The following PRDM16 variants were observed in gnomAD, a reference collection of about 807,000 sequenced individuals.
The protein encoded by PRDM16 is histone-lysine N-methyltransferase PRDM16.
A neutral mutation model predicts 110.6 loss-of-function variants in PRDM16; 23 were observed. That is an observed-to-expected ratio of 0.21 (90% CI 0.15 to 0.29). PRDM16 has a LOEUF of 0.29. Ranked by LOEUF, PRDM16 falls within the 10% of genes least tolerant of loss-of-function variation. The pLI, the probability that PRDM16 is intolerant of heterozygous loss-of-function variation, is 1.00. For missense variants in PRDM16, 1,615 were observed against 1,794.3 expected (o/e 0.90, Z 1.81); for synonymous variants, 799 against 781.8 (o/e 1.02, Z -0.37).
intron 1 of PRDM16, among the ~76,000 whole-genome samples, chr1:3,115,955 G>A (rs1642947667): frequency 2.0e-5 from 3 of 152,120 alleles, no homozygotes; most frequent in African/African-American, 4.8e-5. Context: ...TATCTAGGCT[G>A]TCCATGCCCC....
intron 2 of PRDM16, among the ~76,000 whole-genome samples, chr1:3,233,115 C>T (rs1051599747): frequency 6.6e-6 from 1 of 152,194 alleles, no homozygotes. Context: ...AAGCGAAGCT[C>T]CCTGGGGAGA....
intron 3 of PRDM16, among the ~76,000 whole-genome samples, chr1:3,259,360 C>G (rs879679375): frequency 6.6e-6 from 1 of 152,198 alleles, no homozygotes; most frequent in African/African-American, 2.4e-5. Context: ...CAGCACCCTC[C>G]GTGTGCAAAG....
intron 1 of PRDM16, among the ~76,000 whole-genome samples, chr1:3,182,281 C>T (rs919355392): frequency 2.6e-5 from 4 of 152,244 alleles, no homozygotes; most frequent in East Asian, 1.9e-4. Context: ...GCTCGGCGCT[C>T]GGGCTGCGGG....
chr1:3,088,924 A>C (rs1456217435), intron 1 of PRDM16, among the ~76,000 whole-genome samples: 1 of 152,094 alleles, frequency 6.6e-6, no homozygotes, highest in East Asian at 1.9e-4. Flanking sequence ...CTGGGGTTAC[A>C]GGCACATGCC....
chr1:3,118,487 C>T (rs781447660), intron 1 of PRDM16, among the ~76,000 whole-genome samples: 19 of 152,156 alleles, frequency 1.2e-4, no homozygotes, highest in Admixed American at 3.9e-4. Flanking sequence ...GGTTGGATTC[C>T]GGGTAGTGTG....
chr1:3,392,132 G>C (rs1643310382), intron 4 of PRDM16, among the ~76,000 whole-genome samples: 2 of 152,264 alleles, frequency 1.3e-5, no homozygotes, highest in South Asian at 4.1e-4. Context: ...GGCCAGGTGA[G>C]AGGCAGACCG....
intron 3 of PRDM16, among the ~76,000 whole-genome samples, chr1:3,280,224 C>T (rs1208508334): frequency 6.6e-6 from 1 of 152,174 alleles, no homozygotes; most frequent in African/African-American, 2.4e-5. Flanking sequence ...TTGAAGCCGA[C>T]TCTGTGTGTT....
chr1:3,167,297 G>A (rs2742667), intron 1 of PRDM16, among the ~76,000 whole-genome samples: 19,039 of 152,174 alleles, frequency 0.13, 1,302 homozygotes, highest in South Asian at 0.17. Context: ...AAACGACCCC[G>A]TTAAAAGCCA....
chr1:3,093,071 A>T (rs1213719019), intron 1 of PRDM16, among the ~76,000 whole-genome samples: 2 of 152,148 alleles, frequency 1.3e-5, no homozygotes, highest in African/African-American at 4.8e-5. Context: ...CGCCCTCAAT[A>T]GTAACTTCCC....
At chr1:3,268,426 C>T (rs1245637597) in intron 3 of PRDM16, among the ~76,000 whole-genome samples, 2 of 152,228 alleles carry the variant, frequency 1.3e-5, no homozygotes, top group African/African-American at 4.8e-5. Context: ...CTTCGCAAAG[C>T]CGGTAGACCA....
At position 3,412,063 on chromosome 1, in the gene PRDM16, C is replaced by T. The variant is rs1355748081; in HGVS notation, c.1866C>T (p.Gly622=). Residue 622 remains glycine (G), a synonymous_variant, in exon 9 of 17, where the codon GGC becomes GGT. Coordinates refer to ENST00000270722, the MANE Select transcript of PRDM16 (RefSeq NM_022114.4). The part of the protein sequence containing the change: ...GTDLDTTTGT[G]SDLDSDVDSD... Reference sequence around the variant, plus strand: ...ACCTGGACACGACCACGGGGACGGGCTCGGACCTGGACAGCGACGTGGACA... The same window carrying T: ...ACCTGGACACGACCACGGGGACGGGTTCGGACCTGGACAGCGACGTGGACA... 3.1e-6 allele frequency: 5 copies of T among 1,608,056 alleles called. No individual in the cohort carries two copies. Among genetic ancestry groups the T allele is most frequent in the South Asian group, 1.1e-5 (1 of 90,586 alleles).
chr1:3,353,912 ACACACATGTGGAT>A lies in PRDM16; in HGVS notation c.439-31239_439-31227del. Among the ~76,000 whole-genome samples the A allele has an allele frequency of 6.6e-6, 1 of 152,074 alleles. No homozygotes were observed. Among genetic ancestry groups the A allele is most frequent in the Non-Finnish European group, 1.5e-5 (1 of 67,994 alleles). On this transcript the variant is annotated intron_variant, in intron 3 of 16. Transcript: ENST00000270722. This position sits in a 1 kb window ranked among gnomAD's most constrained non-coding sequence, Gnocchi z 5.4. ...TCTAGAAGCCAAGGGGGCCCTTGGC[ACACACATGTGGAT>A]GCAGGGCTGCCCACCCAACACTGCT...
intron 5 of PRDM16, among the ~76,000 whole-genome samples, chr1:3,401,433 AAC>A (rs1450045822): frequency 2.0e-5 from 3 of 152,110 alleles, no homozygotes; most frequent in Non-Finnish European, 2.9e-5. Context: ...TACACACCCA[AAC>A]ACACATTCCC....
chr1:3,404,944 G>T lies in PRDM16; in HGVS notation c.1032+58G>T, dbSNP rs751733983. 7 of 1,566,272 alleles carry T rather than the reference G, an allele frequency of 4.5e-6. No homozygotes were observed. In the African/African-American group the frequency reaches 8.3e-5, roughly 18 times the overall value. Reference sequence around the variant, plus strand: ...GGGCAGCAGGAGGCTGCAGACGGGCGCCCGCCCCCGTGCTCCCTACACCCC... The same window carrying T: ...GGGCAGCAGGAGGCTGCAGACGGGCTCCCGCCCCCGTGCTCCCTACACCCC... On this transcript the variant is annotated intron_variant, in intron 7 of 16. Transcript: ENST00000270722.
At chr1:3,363,131 C>T (rs1030879251) in intron 3 of PRDM16, among the ~76,000 whole-genome samples, 4 of 152,158 alleles carry the variant, frequency 2.6e-5, no homozygotes, top group Non-Finnish European at 4.4e-5. Flanking sequence ...CTGGGGAGAC[C>T]AGAGGCAGAT....
At chr1:3,343,608 C>T (rs1642310950) in intron 3 of PRDM16, among the ~76,000 whole-genome samples, 1 of 151,810 alleles carries the variant, frequency 6.6e-6, no homozygotes, top group African/African-American at 2.4e-5. Flanking sequence ...AGGCTCTTTT[C>T]CTTTGGTTTC....
intron 2 of PRDM16, among the ~76,000 whole-genome samples, chr1:3,226,230 T>C (rs1377733522): frequency 6.6e-6 from 1 of 152,266 alleles, no homozygotes; most frequent in Non-Finnish European, 1.5e-5. Context: ...AGGTCTGCTC[T>C]GCACTTTTAC....
chr1:3,300,297 G>A lies in PRDM16; in HGVS notation c.438+56160G>A, dbSNP rs112090421. 3.4e-3 allele frequency among the ~76,000 whole-genome samples: 361 copies of A among 107,416 alleles called. 19 individuals are homozygous for A. The highest frequency in any genetic ancestry group is 3.0e-3 in the Non-Finnish European group (148 of 49,578). 70.5% of individuals were successfully genotyped at this position (107,416 alleles called of 152,430 possible). ...GGCCATGATGTTTCCGATCCCAGTC[G>A]TGGTGACTCTGCCCTTGTTGAAGAT... On this transcript the variant is annotated intron_variant, in intron 3 of 16. Coordinates refer to ENST00000270722, the MANE Select transcript of PRDM16 (RefSeq NM_022114.4).
rs553590118 is a variant in PRDM16 at position 3,238,558 on chromosome 1, G to A, written c.388-5529G>A. Among the ~76,000 whole-genome samples, 4 of 152,310 alleles carry A rather than the reference G, an allele frequency of 2.6e-5. No homozygotes were observed. In the South Asian group the frequency reaches 6.2e-4, roughly 24 times the overall value. On this transcript the variant is annotated intron_variant, in intron 2 of 16. Transcript: ENST00000270722. ...TATTATCCTACTCCCGGTTGAGAGC[G>A]CAAGGGTTTGTGTCAACACCAGTGC...
Sources: allele counts gnomAD v4.1 joint callset (sites outside exome capture counted in the v4.1 genomes callset), GRCh38; gene constraint gnomAD v4.1.1; non-coding constraint Gnocchi (gnomAD v3.1); transcripts MANE v1.5; gene names NCBI Gene and HGNC (gene_info 2026-07-23, HGNC 2026-07-21).